Variants in COMMD10 observed in about 807,000 individuals in gnomAD.
The protein encoded by COMMD10 is COMM domain containing 10.
COMMD10 carries 33 observed loss-of-function variants against 28.9 expected under a neutral mutation model. The observed-to-expected ratio is 1.14, with a 90% CI of 0.87 to 1.53. COMMD10 has a LOEUF of 1.53. COMMD10 is among the 40% of genes most tolerant of loss of function. The probability of loss-of-function intolerance (pLI) is 0.00; values close to 1 mark genes in which losing one functional copy is unlikely to be tolerated. For synonymous variants in COMMD10, 110 were observed against 81.7 expected (o/e 1.35, Z -1.87); for missense variants, 310 against 233.4 (o/e 1.33, Z -2.14).
chr5:116,243,891 C>G (rs1038877999), intron 5 of COMMD10, among the ~76,000 whole-genome samples: 2 of 152,040 alleles, frequency 1.3e-5, no homozygotes, highest in African/African-American at 4.8e-5. Flanking sequence ...AAAAGAGGAG[C>G]CAGAGATTAA....
chr5:116,215,591 G>A (rs1749072379), intron 5 of COMMD10, among the ~76,000 whole-genome samples: 1 of 151,294 alleles, frequency 6.6e-6, no homozygotes, highest in South Asian at 2.1e-4. Flanking sequence ...GGAGGCTGAG[G>A]CAAGAGAATC....
intron 5 of COMMD10, among the ~76,000 whole-genome samples, chr5:116,135,807 G>T (rs2112775163): frequency 6.6e-6 from 1 of 152,308 alleles, no homozygotes; most frequent in African/African-American, 2.4e-5. Context: ...TCCACTGGGA[G>T]TTTTGGAATG....
chr5:116,197,413 G>A (rs1338144361), intron 5 of COMMD10, among the ~76,000 whole-genome samples: 3 of 152,058 alleles, frequency 2.0e-5, no homozygotes, highest in Non-Finnish European at 4.4e-5. Flanking sequence ...ATATGATCTT[G>A]CCCTGTTGCC....
intron 5 of COMMD10, among the ~76,000 whole-genome samples, chr5:116,181,168 T>TTTA (rs1299110443): frequency 6.6e-6 from 1 of 151,988 alleles, no homozygotes; most frequent in East Asian, 1.9e-4. Flanking sequence ...TAAAAAAGTC[T>TTTA]TTATTATTAT....
chr5:116,168,654 T>A (rs960453737), intron 5 of COMMD10, among the ~76,000 whole-genome samples: 14 of 152,094 alleles, frequency 9.2e-5, no homozygotes, highest in Admixed American at 6.5e-5. Context: ...TGCAATCAAA[T>A]TAGAACTCAA....
At chr5:116,271,898 G>A (rs535082096) in intron 5 of COMMD10, among the ~76,000 whole-genome samples, 20 of 151,298 alleles carry the variant, frequency 1.3e-4, no homozygotes, top group East Asian at 5.8e-4. Context: ...TTATCTTTTC[G>A]TAACCACCAA....
At chr5:116,209,399 C>G (rs769941556) in intron 5 of COMMD10, among the ~76,000 whole-genome samples, 9 of 152,122 alleles carry the variant, frequency 5.9e-5, no homozygotes, top group Non-Finnish European at 1.3e-4. Flanking sequence ...GTAGTTAATA[C>G]TGATTTCAAA....
At chr5:116,218,188 C>A in intron 5 of COMMD10, 1 of 800,062 alleles carries the variant, frequency 1.2e-6, no homozygotes. Flanking sequence ...TGGGCTCTGG[C>A]TTTGGAGAAG....
chr5:116,165,406 T>G (rs1030415134), intron 5 of COMMD10, among the ~76,000 whole-genome samples: 2 of 152,206 alleles, frequency 1.3e-5, no homozygotes, highest in African/African-American at 4.8e-5. Flanking sequence ...ACTTGGTGTA[T>G]TAGTCTGCTA....
chr5:116,237,714 C>G (rs562970390), intron 5 of COMMD10, among the ~76,000 whole-genome samples: 1 of 152,128 alleles, frequency 6.6e-6, no homozygotes, highest in Non-Finnish European at 1.5e-5. Context: ...CAGGTATTAT[C>G]TTTAATCTGC....
intron 5 of COMMD10, among the ~76,000 whole-genome samples, chr5:116,280,040 G>A (rs1751031535): frequency 1.3e-5 from 2 of 151,762 alleles, no homozygotes; most frequent in Non-Finnish European, 2.9e-5. Flanking sequence ...GTAATGCAAT[G>A]GCAAGAACAA....
intron 5 of COMMD10, among the ~76,000 whole-genome samples, chr5:116,268,800 A>G (rs997687484): frequency 4.0e-5 from 6 of 151,830 alleles, no homozygotes; most frequent in African/African-American, 1.5e-4. Flanking sequence ...CTTTGTACGG[A>G]CATGGATGAA....
chr5:116,152,012 C>T (rs1752544401), intron 5 of COMMD10, among the ~76,000 whole-genome samples: 1 of 152,174 alleles, frequency 6.6e-6, no homozygotes, highest in South Asian at 2.1e-4. Context: ...AAATTTCCCT[C>T]TACACACTGC....
intron 5 of COMMD10, among the ~76,000 whole-genome samples, chr5:116,251,519 A>G (rs1017831381): frequency 4.5e-4 from 65 of 144,790 alleles, no homozygotes; most frequent in Non-Finnish European, 7.8e-4. Context: ...TTCAATTCCC[A>G]CCTATGAGTG....
chr5:116,256,863 G>T (rs1282875716), intron 5 of COMMD10, among the ~76,000 whole-genome samples: 2 of 151,670 alleles, frequency 1.3e-5, no homozygotes, highest in Admixed American at 6.6e-5. Flanking sequence ...ATACTCTGTG[G>T]TGTTTGGCAT....
intron 5 of COMMD10, among the ~76,000 whole-genome samples, chr5:116,194,610 G>A (rs1263115064): frequency 3.9e-5 from 6 of 152,028 alleles, no homozygotes; most frequent in African/African-American, 1.2e-4. Flanking sequence ...TCTCTTAGCT[G>A]CTTACATCAG....
rs28665291 is a variant in COMMD10 at position 116,264,941 on chromosome 5, G to A, written c.511-26576G>A. 8.4e-3 allele frequency among the ~76,000 whole-genome samples: 1,279 copies of A among 151,884 alleles called. 51 individuals are homozygous for A. Among genetic ancestry groups the A allele is most frequent in the African/African-American group, 0.029 (1,208 of 41,266 alleles). ...ATCTCAGATACTGCCTATATTCAGA[G>A]TAGCTAACATTTAATTTTGTTTTCA... On this transcript the variant is annotated intron_variant, in intron 5 of 6. Coordinates refer to ENST00000274458, the MANE Select transcript of COMMD10 (RefSeq NM_016144.4).
intron 5 of COMMD10, among the ~76,000 whole-genome samples, chr5:116,283,218 G>A (rs10040528): frequency 7.2e-5 from 11 of 151,742 alleles, no homozygotes; most frequent in African/African-American, 2.2e-4. Context: ...CAACAAAAAC[G>A]ATGACAGCAA....
intron 5 of COMMD10, among the ~76,000 whole-genome samples, chr5:116,254,248 G>A (rs1358287933): frequency 2.0e-5 from 3 of 152,026 alleles, no homozygotes; most frequent in African/African-American, 7.3e-5. Flanking sequence ...CAAAAAACCA[G>A]TTCCTGGATT....
Sources: gnomAD v4.1 joint callset for allele counts (sites outside exome capture counted in the v4.1 genomes callset) on GRCh38, gnomAD v4.1.1 for gene constraint, MANE v1.5 for transcripts, NCBI Gene and HGNC (gene_info 2026-07-23, HGNC 2026-07-21) for gene names.